ITGA1: variants seen among roughly 807,000 people sequenced by gnomAD.
ITGA1 encodes the protein integrin alpha-1.
In ITGA1, 85 loss-of-function variants were observed where a neutral mutation model predicts 145.9. That is an observed-to-expected ratio of 0.58 (90% confidence interval 0.49 to 0.70). The LOEUF (loss-of-function observed/expected upper bound fraction) is 0.70, where lower values mean the gene tolerates loss of function less well. Among genes scored for constraint, ITGA1 ranks in the 30% least tolerant of loss-of-function variants. The pLI, the probability that ITGA1 is intolerant of heterozygous loss-of-function variation, is 0.00. For synonymous variants in ITGA1, 520 were observed against 495.3 expected, an observed-to-expected ratio of 1.05 and a Z score of -0.66; for missense variants, 1,351 against 1,418.7, an observed-to-expected ratio of 0.95 and a Z score of 0.77.
At chr5:52,897,212 C>T (rs1247583354) in intron 9 of ITGA1, among the ~76,000 whole-genome samples, 8 of 152,098 alleles carry the variant, frequency 5.3e-5, no homozygotes, top group South Asian at 2.1e-4. Context: ...ACCCCTCTGG[C>T]GAGGACAGGG....
At chr5:52,897,409 A>T in intron 9 of ITGA1, 46 bp from the exon 10 acceptor site, 1 of 1,329,904 alleles carries the variant, frequency 7.5e-7, no homozygotes. Flanking sequence ...GTAGTGCATG[A>T]AAAGGCATTG....
At chr5:52,799,701 G>A (rs537529083) in intron 1 of ITGA1, among the ~76,000 whole-genome samples, 1 of 152,220 alleles carries the variant, frequency 6.6e-6, no homozygotes, top group Non-Finnish European at 1.5e-5. Context: ...TAGCGTCCGA[G>A]TGCGGATAAG....
At chr5:52,842,763 G>A (rs986083235) in intron 1 of ITGA1, among the ~76,000 whole-genome samples, 1 of 148,034 alleles carries the variant, frequency 6.8e-6, no homozygotes, top group Non-Finnish European at 1.5e-5. Context: ...TCGGCTTACT[G>A]CAACTTCTGC....
intron 1 of ITGA1, among the ~76,000 whole-genome samples, chr5:52,832,455 A>G (rs144411210): frequency 2.6e-5 from 4 of 152,316 alleles, no homozygotes; most frequent in Non-Finnish European, 4.4e-5. Flanking sequence ...TTCTGATGAA[A>G]TGGAAGGGTC....
At chr5:52,873,684 G>C (rs1319547049) in intron 6 of ITGA1, among the ~76,000 whole-genome samples, 2 of 152,176 alleles carry the variant, frequency 1.3e-5, no homozygotes, top group African/African-American at 2.4e-5. Flanking sequence ...ATGTTGTAGG[G>C]TAGGGCTTTG....
At position 52,845,135 on chromosome 5, in the gene ITGA1, C is replaced by T. The variant is rs150162637; in HGVS notation, c.62-4230C>T. On this transcript the variant is annotated intron_variant, in intron 1 of 28. Transcript: ENST00000282588. ...CCACACAACATGTAGAATAAATAAA[C>T]AGCCCCAAAAAGGAAACCAAAACTG... is the stretch of plus-strand genomic sequence containing the variant. Among the ~76,000 whole-genome samples the T allele has an allele frequency of 2.5e-3, 383 of 152,128 alleles. 1 individual carries two copies. The highest frequency in any genetic ancestry group is 4.1e-3 in the Admixed American group (62 of 15,278).
intron 17 of ITGA1, among the ~76,000 whole-genome samples, chr5:52,920,710 A>T (rs1033554762): frequency 6.6e-6 from 1 of 152,222 alleles, no homozygotes; most frequent in Non-Finnish European, 1.5e-5. Flanking sequence ...ATATTATGGA[A>T]CGGCAGGAAA....
chr5:52,884,101 A>G (rs537337481), intron 7 of ITGA1, among the ~76,000 whole-genome samples: 1 of 152,358 alleles, frequency 6.6e-6, no homozygotes, highest in Admixed American at 6.5e-5. Context: ...AGATCTGTTA[A>G]AGACTAACAT....
intron 6 of ITGA1, among the ~76,000 whole-genome samples, chr5:52,880,402 G>A (rs912695560): frequency 6.6e-6 from 1 of 151,920 alleles, no homozygotes; most frequent in African/African-American, 2.4e-5. Flanking sequence ...TACTCTAGAG[G>A]GTAACTCAAA....
intron 1 of ITGA1, among the ~76,000 whole-genome samples, chr5:52,837,488 T>C (rs943801523): frequency 1.3e-5 from 2 of 152,106 alleles, no homozygotes; most frequent in African/African-American, 2.4e-5. Flanking sequence ...TAAAGCCATG[T>C]TTTTATTCCC....
intron 1 of ITGA1, among the ~76,000 whole-genome samples, chr5:52,796,399 CTGATAT>C (rs1172829193): frequency 1.3e-5 from 2 of 151,972 alleles, no homozygotes; most frequent in Admixed American, 1.3e-4. Flanking sequence ...AAGATTTATA[CTGATAT>C]AAAGTTACTG....
At chr5:52,795,080 G>A (rs1397682680) in intron 1 of ITGA1, among the ~76,000 whole-genome samples, 2 of 151,820 alleles carry the variant, frequency 1.3e-5, no homozygotes, top group African/African-American at 4.8e-5. Context: ...AACAGAATGT[G>A]ATTTCCTAAT....
intron 7 of ITGA1, among the ~76,000 whole-genome samples, chr5:52,884,596 T>C (rs926419898): frequency 1.3e-5 from 2 of 152,154 alleles, no homozygotes; most frequent in African/African-American, 4.8e-5. Flanking sequence ...GGCTCAGCTT[T>C]GACTACAGTG....
chr5:52,858,102 A>C (rs771543118), intron 2 of ITGA1, among the ~76,000 whole-genome samples: 15 of 152,200 alleles, frequency 9.9e-5, no homozygotes, highest in Admixed American at 6.5e-5. Context: ...TTAGGAATCC[A>C]TATCTTGTCA....
intron 8 of ITGA1, among the ~76,000 whole-genome samples, chr5:52,891,289 A>T: frequency 6.9e-6 from 1 of 145,416 alleles, no homozygotes; most frequent in Non-Finnish European, 1.5e-5. Context: ...TTAAATACAC[A>T]CCTCCTGTAG....
At position 52,865,096 on chromosome 5, in the gene ITGA1, G is replaced by T; in HGVS notation, c.496+14G>T. On this transcript the variant is annotated intron_variant, in intron 5 of 28. Coordinates refer to ENST00000282588, the MANE Select transcript of ITGA1 (RefSeq NM_181501.2). ...CCCCTGTACAAGGTACAGATTTTAT[G>T]CAATGTTCTTGCATGTTTGAAAAGC... is the stretch of plus-strand genomic sequence containing the variant. 1 of 1,569,596 alleles carries T rather than the reference G, an allele frequency of 6.4e-7. No individual in the cohort carries two copies. Among genetic ancestry groups the T allele is most frequent in the Non-Finnish European group, 8.7e-7 (1 of 1,142,942 alleles).
intron 1 of ITGA1, among the ~76,000 whole-genome samples, chr5:52,792,575 A>G (rs80283230): frequency 0.065 from 9,867 of 152,226 alleles, 1,072 homozygotes; most frequent in African/African-American, 0.22. Context: ...TTCTGACTTC[A>G]GTAGATAGAT....
In ITGA1 at chr5:52,895,586, C is replaced by T. The variant is rs531872265; in HGVS notation, c.1090+1746C>T. ...AGAATACAGTGTCATTTCTAAATCT[C>T]CTTTTAAGTAAGCAAGTAACCTAAA... On this transcript the variant is annotated intron_variant, in intron 9 of 28. Transcript: ENST00000282588. Among the ~76,000 whole-genome samples the T allele has an allele frequency of 5.3e-5, 8 of 152,246 alleles. No individual in the cohort carries two copies. In the South Asian group the frequency reaches 1.7e-3, roughly 32 times the overall value.
At chr5:52,793,696 T>C (rs1193668700) in intron 1 of ITGA1, among the ~76,000 whole-genome samples, 1 of 152,026 alleles carries the variant, frequency 6.6e-6, no homozygotes, top group Non-Finnish European at 1.5e-5. Flanking sequence ...GATATAACAT[T>C]GTTCCTCTCA....
Sources: gnomAD v4.1 joint callset for allele counts (sites outside exome capture counted in the v4.1 genomes callset) on GRCh38, gnomAD v4.1.1 for gene constraint, MANE v1.5 for transcripts, NCBI Gene and HGNC (gene_info 2026-07-23, HGNC 2026-07-21) for gene names.